The following EXD1 variants were observed in gnomAD, a reference collection of about 807,000 sequenced individuals.
The protein encoded by EXD1 is exonuclease 3'-5' domain containing 1, also known as piRNA biogenesis protein EXD1.
EXD1 carries 63 observed loss-of-function variants against 49.1 expected under a neutral mutation model. The observed-to-expected ratio is 1.28, with a 90% CI of 1.05 to 1.58. EXD1 has a LOEUF of 1.58. Among genes scored for constraint, EXD1 ranks in the 40% most tolerant of loss-of-function variants. EXD1 has a pLI of 0.00. For synonymous variants in EXD1, 234 were observed against 239.2 expected (o/e 0.98, Z 0.20); for missense variants, 748 against 666.0 (o/e 1.12, Z -1.36).
intron 7 of EXD1, among the ~76,000 whole-genome samples, chr15:41,199,761 T>C (rs1414892753): frequency 3.8e-4 from 52 of 135,490 alleles, no homozygotes; most frequent in African/African-American, 1.3e-3. Flanking sequence ...ATATGATACA[T>C]ATATGATATA....
intron 3 of EXD1, among the ~76,000 whole-genome samples, chr15:41,217,433 A>G (rs1433861639): frequency 6.6e-6 from 1 of 151,850 alleles, no homozygotes; most frequent in Non-Finnish European, 1.5e-5. Flanking sequence ...GTTCTAGGGT[A>G]CCTTTGTGGT....
At chr15:41,217,049 T>C (rs191242929) in intron 4 of EXD1, 48 bp downstream of exon 4, 83 of 1,535,400 alleles carry the variant, frequency 5.4e-5, no homozygotes, top group Admixed American at 4.4e-4. Flanking sequence ...TCTACCCTAA[T>C]GTGCACATTT....
chr15:41,226,628 A>T lies in EXD1; in HGVS notation c.-53T>A, dbSNP rs2047168512. 2.0e-6 allele frequency: 3 copies of T among 1,486,044 alleles called. No individual in the cohort carries two copies. Among genetic ancestry groups the T allele is most frequent in the Non-Finnish European group, 1.8e-6 (2 of 1,124,814 alleles). 92.1% of individuals were successfully genotyped at this position (1,486,044 alleles called of 1,614,324 possible). On this transcript the variant is annotated splice_region_variant and 5_prime_UTR_variant, in exon 2 of 12. Transcript: ENST00000458580. ...AATAATCTTCTTTAAGCATCCAAAC[A>T]CTTGAAAATTAATAAAGAGATCTAT...
At chr15:41,230,453 T>A (rs544881823) in intron 1 of EXD1, 26 bp downstream of exon 1, 10 of 1,604,810 alleles carry the variant, frequency 6.2e-6, no homozygotes, top group Non-Finnish European at 8.5e-6. Context: ...TAAGACAAAA[T>A]AAGGAACTTC....
chr15:41,188,552 C>T (rs2046452602), intron 11 of EXD1, among the ~76,000 whole-genome samples: 1 of 151,782 alleles, frequency 6.6e-6, no homozygotes, highest in African/African-American at 2.4e-5. Flanking sequence ...GCCACCATGC[C>T]CAGCTAATTT....
chr15:41,212,115 G>T (rs914109929), intron 6 of EXD1, among the ~76,000 whole-genome samples: 4 of 152,048 alleles, frequency 2.6e-5, no homozygotes, highest in Non-Finnish European at 5.9e-5. Context: ...CACTAGGATG[G>T]CTATACTCAA....
Position 41,207,102 on chromosome 15 carries a change from G to T in EXD1, c.534+2399C>A, listed in dbSNP as rs185808193. On this transcript the variant is annotated intron_variant, in intron 7 of 11. Transcript: ENST00000458580. ...CTAAAAATACAAAAATTACCCGAGC[G>T]TGGTGGCGGGAGCCTGTAGTCCCAG... 9.5e-3 allele frequency among the ~76,000 whole-genome samples: 1,424 copies of T among 150,556 alleles called. 13 individuals are homozygous for T. The highest frequency in any genetic ancestry group is 0.021 in the Middle Eastern group (6 of 288).
At chr15:41,185,136 A>G (rs2140791693) in intron 11 of EXD1, among the ~76,000 whole-genome samples, 1 of 152,306 alleles carries the variant, frequency 6.6e-6, no homozygotes, top group Middle Eastern at 3.4e-3. Flanking sequence ...CGTATGTATA[A>G]AGACTATACA....
intron 3 of EXD1, among the ~76,000 whole-genome samples, chr15:41,217,402 T>C (rs1414899074): frequency 6.6e-6 from 1 of 152,214 alleles, no homozygotes; most frequent in East Asian, 1.9e-4. Flanking sequence ...AACATTTCTA[T>C]ACATCCCCTT....
At chr15:41,226,689 T>TC (rs2047169107) in intron 1 of EXD1, 61 bp from the exon 2 acceptor site, 1 of 1,330,442 alleles carries the variant, frequency 7.5e-7, no homozygotes, top group Non-Finnish European at 9.9e-7. Context: ...AAAGTTATTT[T>TC]CCCTTTCCCC....
intron 6 of EXD1, among the ~76,000 whole-genome samples, chr15:41,211,608 A>C (rs77549537): frequency 0.16 from 24,334 of 151,688 alleles, 3,568 homozygotes; most frequent in African/African-American, 0.39. Context: ...AGATTGCTTG[A>C]GCCCAGGAGT....
chr15:41,184,110 T>C lies in EXD1; in HGVS notation c.1540A>G (p.Lys514Glu), dbSNP rs1367938100. The C allele has an allele frequency of 1.2e-6, 2 of 1,614,202 alleles. No individual in the cohort carries two copies. The highest frequency in any genetic ancestry group is 2.2e-5 in the East Asian group (1 of 44,888). Residue 514 changes from lysine (K) to glutamate (E), a missense_variant, in exon 12 of 12, where the codon AAG (lysine) becomes GAG (glutamate). Lys to Glu is a moderately conservative substitution (Grantham distance 56). Coordinates refer to ENST00000458580, the MANE Select transcript of EXD1 (RefSeq NM_001286441.2). ...ETEQLLMVEN[K>E]EDLKCTKQAV... ...TGTTTTGTGCATTTTAAATCTTCCTTGTTTTCCACCATCAATAACTGTTCT... is the reference window on the plus strand; with the variant it reads ...TGTTTTGTGCATTTTAAATCTTCCTCGTTTTCCACCATCAATAACTGTTCT...
chr15:41,193,065 T>C (rs1180614646), intron 9 of EXD1, among the ~76,000 whole-genome samples: 1 of 152,062 alleles, frequency 6.6e-6, no homozygotes, highest in African/African-American at 2.4e-5. Flanking sequence ...ATTACAAGTG[T>C]GAGCCACCGC....
chr15:41,188,582 G>A (rs906714530), intron 11 of EXD1, among the ~76,000 whole-genome samples: 3 of 151,670 alleles, frequency 2.0e-5, no homozygotes, highest in African/African-American at 4.8e-5. Flanking sequence ...TTGTAGAGAC[G>A]GGGTTTCACC....
rs767625165 is a variant in EXD1 at position 41,195,928 on chromosome 15, C to A, written c.639+5G>T. ...AATAGCACAGGAATCAGTTTATATA[C>A]TTACCTTCAAAATTCTCTTGTCTTC... On this transcript the variant is annotated splice_donor_5th_base_variant and intron_variant, in intron 8 of 11. Transcript: ENST00000458580. The A allele has an allele frequency of 3.7e-6, 6 of 1,610,082 alleles. No individual in the cohort carries two copies. Among genetic ancestry groups the A allele is most frequent in the Non-Finnish European group, 4.2e-6 (5 of 1,178,212 alleles).
At chr15:41,220,460 G>T (rs748810179) in intron 2 of EXD1, among the ~76,000 whole-genome samples, 18 of 152,166 alleles carry the variant, frequency 1.2e-4, no homozygotes, top group Non-Finnish European at 2.1e-4. Context: ...GGGTTTCACC[G>T]TGTTAGCCAG....
chr15:41,189,938 T>C lies in EXD1; in HGVS notation c.1055A>G (p.Glu352Gly). 6.2e-7 allele frequency: 1 copy of C among 1,613,566 alleles called. No individual in the cohort carries two copies. The highest frequency in any genetic ancestry group is 1.7e-4 in the Middle Eastern group (1 of 6,048). The change falls in exon 11 of 12, where the codon GAG becomes GGG. Residue 352 changes from glutamate to glycine, a missense_variant and splice_region_variant. Transcript: ENST00000458580. ...EGSADRLGGT[E>G]PTCMELPEEL... ...CTGAAGACAGAGAGCTGCACCTACC[T>C]CAGTGCCTCCAAGCCGGTCTGCAGA...
chr15:41,193,920 G>A (rs1399343615), intron 9 of EXD1, among the ~76,000 whole-genome samples: 1 of 150,912 alleles, frequency 6.6e-6, no homozygotes, highest in African/African-American at 2.4e-5. Flanking sequence ...AAGGGACTTT[G>A]CAGCTGTGAT....
chr15:41,224,083 G>T (rs185680734), intron 2 of EXD1, among the ~76,000 whole-genome samples: 3,493 of 151,622 alleles, frequency 0.023, 63 homozygotes, highest in Non-Finnish European at 0.037. Context: ...GGGATTACAG[G>T]TGCCCGCCAC....
Sources: allele counts gnomAD v4.1 joint callset (sites outside exome capture counted in the v4.1 genomes callset), GRCh38; gene constraint gnomAD v4.1.1; transcripts MANE v1.5; gene names NCBI Gene and HGNC (gene_info 2026-07-23, HGNC 2026-07-21).